The following ST6GALNAC1 variants were observed in gnomAD, a reference collection of about 807,000 sequenced individuals.
ST6GALNAC1 encodes alpha-N-acetylgalactosaminide alpha-2,6-sialyltransferase 1.
In ST6GALNAC1, 45 loss-of-function variants were observed where a neutral mutation model predicts 56.8. The ratio of observed to expected loss-of-function variants is 0.79; its 90% CI spans 0.62 to 1.02. ST6GALNAC1 has a LOEUF of 1.02. Among genes scored for constraint, ST6GALNAC1 ranks in the 50% least tolerant of loss-of-function variants. ST6GALNAC1 has a pLI of 0.00. For missense variants in ST6GALNAC1, 743 were observed against 754.8 expected (o/e 0.98, Z 0.18); for synonymous variants, 295 against 297.8 (o/e 0.99, Z 0.10).
chr17:76,642,445 T>C (rs781575933), intron 1 of ST6GALNAC1, among the ~76,000 whole-genome samples: 2 of 152,194 alleles, frequency 1.3e-5, no homozygotes, highest in South Asian at 4.1e-4. Context: ...GGCTAGCTCA[T>C]AGTAAATACT....
At chr17:76,623,957 T>G (rs2075764483), downstream of ST6GALNAC1, among the ~76,000 whole-genome samples, 1 of 152,258 alleles carries the variant, frequency 6.6e-6, no homozygotes, top group African/African-American at 2.4e-5. Flanking sequence ...CCTGTCAAAG[T>G]CGTTGTGACT....
intron 1 of ST6GALNAC1, among the ~76,000 whole-genome samples, chr17:76,635,102 T>A (rs184772736): frequency 3.9e-5 from 6 of 152,266 alleles, no homozygotes; most frequent in Admixed American, 2.6e-4. Context: ...TTATTCTGAG[T>A]GTTCTTTTCT....
chr17:76,626,962 T>G, intron 4 of ST6GALNAC1, 105 bp downstream of exon 4: 1 of 1,442,446 alleles, frequency 6.9e-7, no homozygotes, highest in South Asian at 1.3e-5. Flanking sequence ...TATGGGTCTC[T>G]CAGAAGAGTC....
Position 76,629,145 on chromosome 17 carries a change from G to A in ST6GALNAC1, c.698C>T (p.Ala233Val), listed in dbSNP as rs961710155. 2 of 1,613,898 alleles carry A rather than the reference G, an allele frequency of 1.2e-6. No individual in the cohort carries two copies. The highest frequency in any genetic ancestry group is 2.7e-5 in the African/African-American group (2 of 74,878). The change falls in exon 2 of 9, where the codon GCC (alanine) becomes GTC (valine). Residue 233 changes from alanine to valine, a missense_variant. Physicochemically the swap from Ala to Val is moderately conservative, Grantham distance 64. Coordinates refer to ENST00000156626, the MANE Select transcript of ST6GALNAC1 (RefSeq NM_018414.5). ...VIPPKEKKPQ[A>V]TPPPAPFQSP... ...CTGGAAAGGGGCAGGGGGTGGGGTG[G>A]CCTGAGGTTTCTTCTCCTTAGGTGG...
At chr17:76,641,894 A>G (rs2076052418) in intron 1 of ST6GALNAC1, 1 of 152,108 alleles carries the variant, frequency 6.6e-6, no homozygotes, top group African/African-American at 2.4e-5. Context: ...AGTGTGACTT[A>G]CAAGGTCAAC....
chr17:76,627,954 G>A lies in ST6GALNAC1; in HGVS notation c.832-371C>T, dbSNP rs544007149. Among the ~76,000 whole-genome samples the A allele has an allele frequency of 5.4e-4, 82 of 152,150 alleles. No homozygotes were observed. Among genetic ancestry groups the A allele is most frequent in the Non-Finnish European group, 8.2e-4 (56 of 67,984 alleles). On this transcript the variant is annotated intron_variant, in intron 2 of 8. Coordinates refer to ENST00000156626, the MANE Select transcript of ST6GALNAC1 (RefSeq NM_018414.5). This position sits in a 1 kb window ranked among gnomAD's most constrained non-coding sequence, Gnocchi z 4.4. ...CTACTAAAAATACAAAAAATTAGCC[G>A]GGCGTGGTGGCGGGCGCCTGTAGTT... is the stretch of plus-strand genomic sequence containing the variant.
chr17:76,620,135 G>A (rs1463387224), downstream of ST6GALNAC1, among the ~76,000 whole-genome samples: 1 of 151,782 alleles, frequency 6.6e-6, no homozygotes, highest in Non-Finnish European at 1.5e-5. Flanking sequence ...CTGCCCCTCG[G>A]GTTCAAGCAA....
chr17:76,627,346 G>T lies in ST6GALNAC1; in HGVS notation c.1000+69C>A. On this transcript the variant is annotated intron_variant, in intron 3 of 8. Transcript: ENST00000156626. This position sits in a 1 kb window ranked among gnomAD's most constrained non-coding sequence, Gnocchi z 4.4. ...CCCCAGGGAAGAGGCAGACCAGAAA[G>T]CCAGCTGCCCTCTGCCCTCTGCCCC... is the stretch of plus-strand genomic sequence containing the variant. The T allele has an allele frequency of 6.3e-7, 1 of 1,586,486 alleles. No individual in the cohort carries two copies. The highest frequency in any genetic ancestry group is 8.6e-7 in the Non-Finnish European group (1 of 1,165,640).
chr17:76,635,461 G>A (rs1296304336), intron 1 of ST6GALNAC1, among the ~76,000 whole-genome samples: 1 of 151,956 alleles, frequency 6.6e-6, no homozygotes, highest in Non-Finnish European at 1.5e-5. Context: ...CCAACATGGC[G>A]AAACCCTGTC....
At chr17:76,633,101 C>T (rs1178788181) in intron 1 of ST6GALNAC1, among the ~76,000 whole-genome samples, 2 of 151,996 alleles carry the variant, frequency 1.3e-5, no homozygotes, top group East Asian at 1.9e-4. Context: ...CCCAGCTATT[C>T]CGGAGGCTGA....
At chr17:76,638,873 C>A (rs1246527936) in intron 1 of ST6GALNAC1, among the ~76,000 whole-genome samples, 1 of 138,322 alleles carries the variant, frequency 7.2e-6, no homozygotes, top group Non-Finnish European at 1.5e-5. Context: ...AGCCACTGTG[C>A]CTGGCCTCAG....
the ST6GALNAC1 span, among the ~76,000 whole-genome samples, chr17:76,618,425 A>C: frequency 6.6e-6 from 1 of 152,138 alleles, no homozygotes; most frequent in African/African-American, 2.4e-5. Flanking sequence ...TCAATAGGAA[A>C]GATAATTCGT....
intron 1 of ST6GALNAC1, among the ~76,000 whole-genome samples, chr17:76,635,647 C>A (rs1410528752): frequency 6.6e-6 from 1 of 152,150 alleles, no homozygotes; most frequent in East Asian, 1.9e-4. Flanking sequence ...AAAACAACAA[C>A]AACAATAACA....
chr17:76,643,530 C>G lies in ST6GALNAC1; in HGVS notation c.109G>C (p.Glu37Gln). 1 of 1,614,078 alleles carries G rather than the reference C, an allele frequency of 6.2e-7. No individual in the cohort carries two copies. Among genetic ancestry groups the G allele is most frequent in the Non-Finnish European group, 8.5e-7 (1 of 1,179,984 alleles). The change falls in exon 1 of 9, where the codon GAG becomes CAG. Residue 37 changes from glutamate to glutamine, a missense_variant. Physicochemically the swap from Glu to Gln is conservative, Grantham distance 29. Transcript: ENST00000156626. ...FLFALPSFIK[E>Q]PQTKPSRHQR... ...TACCTGGAAGGCTTTGTTTGAGGCTCCTTAATAAAAGAGGGCAAGGCGAAG... is the reference window on the plus strand; with the variant it reads ...TACCTGGAAGGCTTTGTTTGAGGCTGCTTAATAAAAGAGGGCAAGGCGAAG...
rs958976289 is a variant in ST6GALNAC1 at position 76,634,581 on chromosome 17, A to C, written c.132-4870T>G. Among the ~76,000 whole-genome samples the C allele has an allele frequency of 1.3e-4, 18 of 136,332 alleles. No homozygotes were observed. In the South Asian group the frequency reaches 4.0e-3, roughly 30 times the overall value. The allele number at this position is 136,332 out of a possible 152,430, so 89.4% of individuals were successfully genotyped here. A position where few individuals can be genotyped will look rare whatever the true frequency, so the allele number is the denominator to read the frequency against. ...CAGCCATTCTGCTTTTTCTTTTCCA[A>C]CTCTAAAGTTGGCCAGGCGTGGTGC... On this transcript the variant is annotated intron_variant, in intron 1 of 8. Coordinates refer to ENST00000156626, the MANE Select transcript of ST6GALNAC1 (RefSeq NM_018414.5).
Position 76,629,297 on chromosome 17 carries a change from C to T in ST6GALNAC1, c.546G>A (p.Glu182=). 1.2e-6 allele frequency: 2 copies of T among 1,614,160 alleles called. No individual in the cohort carries two copies. The highest frequency in any genetic ancestry group is 1.1e-5 in the South Asian group (1 of 91,084). ...RKLTASRTVS[E]KHQGKAATTA... Reference sequence around the variant, plus strand: ...TGGTTGCCGCTTTGCCCTGGTGCTTCTCTGACACCGTCCTGGAGGCCGTCA... The same window carrying T: ...TGGTTGCCGCTTTGCCCTGGTGCTTTTCTGACACCGTCCTGGAGGCCGTCA... The change falls in exon 2 of 9, where the codon GAG becomes GAA. Residue 182 remains glutamate, a synonymous_variant. Coordinates refer to ENST00000156626, the MANE Select transcript of ST6GALNAC1 (RefSeq NM_018414.5).
downstream of ST6GALNAC1, among the ~76,000 whole-genome samples, chr17:76,623,568 C>T (rs2075760927): frequency 6.6e-6 from 1 of 152,144 alleles, no homozygotes; most frequent in African/African-American, 2.4e-5. Flanking sequence ...CTTTGTTGCT[C>T]TTGTAAATGG....
downstream of ST6GALNAC1, among the ~76,000 whole-genome samples, chr17:76,621,636 C>T (rs952798383): frequency 6.6e-6 from 1 of 151,804 alleles, no homozygotes; most frequent in Non-Finnish European, 1.5e-5. Context: ...CCACCACACC[C>T]GGCTAATTTT....
chr17:76,642,219 C>T (rs990309225), intron 1 of ST6GALNAC1, among the ~76,000 whole-genome samples: 2 of 150,078 alleles, frequency 1.3e-5, no homozygotes, highest in Non-Finnish European at 2.9e-5. Flanking sequence ...TCTCTATCTG[C>T]CTATCTATCT....
Sources: allele counts gnomAD v4.1 joint callset (sites outside exome capture counted in the v4.1 genomes callset), GRCh38; gene constraint gnomAD v4.1.1; non-coding constraint Gnocchi (gnomAD v3.1); transcripts MANE v1.5; gene names NCBI Gene and HGNC (gene_info 2026-07-23, HGNC 2026-07-21).